The following GRXCR2 variants were observed in gnomAD, a reference collection of about 807,000 sequenced individuals.
GRXCR2 encodes glutaredoxin and cysteine rich domain containing 2.
Under a neutral mutation model 24.8 loss-of-function variants are expected in GRXCR2, and 23 were observed. The ratio of observed to expected loss-of-function variants is 0.93; its 90% CI spans 0.67 to 1.32. GRXCR2 has a LOEUF of 1.32. Among genes scored for constraint, GRXCR2 ranks in the 40% most tolerant of loss-of-function variants. The pLI is 0.00. For missense variants in GRXCR2, 315 were observed against 303.4 expected (o/e 1.04, Z -0.28); for synonymous variants, 130 against 116.1 (o/e 1.12, Z -0.77).
At chr5:145,892,408 C>T (rs1220208906) in intron 2 of GRXCR2, among the ~76,000 whole-genome samples, 1 of 152,084 alleles carries the variant, frequency 6.6e-6, no homozygotes, top group Non-Finnish European at 1.5e-5. Flanking sequence ...GAATGGCTAA[C>T]TAGAATAACC....
intron 2 of GRXCR2, among the ~76,000 whole-genome samples, chr5:145,899,643 C>G (rs956240451): frequency 6.6e-6 from 1 of 151,970 alleles, no homozygotes; most frequent in Admixed American, 6.6e-5. Flanking sequence ...ACAAAGTTGA[C>G]AAAAATAAGC....
intron 2 of GRXCR2, among the ~76,000 whole-genome samples, chr5:145,908,743 A>G (rs1199019076): frequency 2.6e-5 from 4 of 152,228 alleles, no homozygotes; most frequent in Admixed American, 6.6e-5. Context: ...TTCCAGCTCC[A>G]GTTCTTTGGC....
chr5:145,877,083 GA>G (rs1324856824), upstream of GRXCR2, among the ~76,000 whole-genome samples: 1 of 151,010 alleles, frequency 6.6e-6, no homozygotes, highest in African/African-American at 2.4e-5. Flanking sequence ...TAAAATAAAT[GA>G]AAAAAATCCA....
intron 2 of GRXCR2, among the ~76,000 whole-genome samples, chr5:145,861,763 G>A (rs938102470): frequency 2.6e-5 from 4 of 152,118 alleles, no homozygotes; most frequent in South Asian, 2.1e-4. Context: ...GCAGGAGTCC[G>A]CTGGGTAGCT....
intron 2 of GRXCR2, among the ~76,000 whole-genome samples, chr5:145,880,203 C>G (rs1756679052): frequency 6.6e-6 from 1 of 151,960 alleles, no homozygotes; most frequent in South Asian, 2.1e-4. Context: ...CAGAGCAGAA[C>G]TGAGAGAGAT....
intron 2 of GRXCR2, among the ~76,000 whole-genome samples, chr5:145,914,630 G>A (rs1016700933): frequency 2.3e-5 from 3 of 132,840 alleles, no homozygotes; most frequent in African/African-American, 8.7e-5. Flanking sequence ...GAGCCGAGAT[G>A]GTGTCATAGC....
intron 2 of GRXCR2, among the ~76,000 whole-genome samples, chr5:145,860,832 A>T (rs997739724): frequency 4.6e-5 from 7 of 152,152 alleles, no homozygotes; most frequent in African/African-American, 1.7e-4. Flanking sequence ...CTGGAACATT[A>T]AATGAGAGAA....
At chr5:145,893,291 T>TTAAATG (rs1756898271) in intron 2 of GRXCR2, among the ~76,000 whole-genome samples, 1 of 152,148 alleles carries the variant, frequency 6.6e-6, no homozygotes, top group African/African-American at 2.4e-5. Flanking sequence ...AATATTAATC[T>TTAAATG]TAAATGTAAA....
intron 2 of GRXCR2, among the ~76,000 whole-genome samples, chr5:145,860,157 CT>C (rs1044723207): frequency 6.6e-6 from 1 of 152,184 alleles, no homozygotes; most frequent in African/African-American, 2.4e-5. Context: ...CATTCCAAGA[CT>C]TCATGATCTT....
At chr5:145,881,203 T>G (rs565573596) in intron 2 of GRXCR2, among the ~76,000 whole-genome samples, 2 of 152,158 alleles carry the variant, frequency 1.3e-5, no homozygotes, top group Non-Finnish European at 2.9e-5. Context: ...GAGAAAGAAA[T>G]AAAGGGTATT....
At chr5:145,928,388 C>A (rs1330353429) in intron 2 of GRXCR2, among the ~76,000 whole-genome samples, 4 of 152,106 alleles carry the variant, frequency 2.6e-5, no homozygotes, top group Non-Finnish European at 5.9e-5. Context: ...TTTGACCCAG[C>A]AATCCCATTA....
At chr5:145,860,606 C>T (rs1756319785) in intron 2 of GRXCR2, among the ~76,000 whole-genome samples, 1 of 152,144 alleles carries the variant, frequency 6.6e-6, no homozygotes, top group Admixed American at 6.5e-5. Flanking sequence ...TGTTACAATC[C>T]TTCAAAGCTT....
At chr5:145,912,851 A>G (rs976884080) in intron 2 of GRXCR2, among the ~76,000 whole-genome samples, 2 of 152,160 alleles carry the variant, frequency 1.3e-5, no homozygotes, top group African/African-American at 4.8e-5. Context: ...ACTCAGAGAC[A>G]GAAGTAGGGC....
At chr5:145,908,984 C>G in intron 2 of GRXCR2, among the ~76,000 whole-genome samples, 1 of 152,188 alleles carries the variant, frequency 6.6e-6, no homozygotes, top group South Asian at 2.1e-4. Flanking sequence ...GTTCAAATCC[C>G]ATCTCTGCCA....
chr5:145,921,579 C>G (rs894824303), intron 2 of GRXCR2, among the ~76,000 whole-genome samples: 3 of 152,128 alleles, frequency 2.0e-5, no homozygotes, highest in African/African-American at 7.2e-5. Context: ...GAAGCAAAGC[C>G]CTTAGTGGGT....
intron 2 of GRXCR2, among the ~76,000 whole-genome samples, chr5:145,864,440 C>T (rs1057175995): frequency 6.6e-6 from 1 of 152,100 alleles, no homozygotes; most frequent in African/African-American, 2.4e-5. Flanking sequence ...GAGGGGGTGA[C>T]TGATATGGTT....
chr5:145,886,991 A>G (rs1471586232), intron 2 of GRXCR2, among the ~76,000 whole-genome samples: 1 of 152,240 alleles, frequency 6.6e-6, no homozygotes, highest in Admixed American at 6.5e-5. Flanking sequence ...TTATATTGAC[A>G]CAGTAGAATC....
rs369581616 is a variant in GRXCR2, at chr5:145,916,558, C to A, written c.-70+19143G>T. 5.8e-4 allele frequency among the ~76,000 whole-genome samples: 89 copies of A among 152,286 alleles called. 3 individuals carry two copies. In the South Asian group the frequency reaches 0.017, roughly 29 times the overall value. ...GGAAAGTCCTCCTTGTCACAGAGGG[C>A]AATTTGTATTTTGAAGAGTTTCATT... is the stretch of plus-strand genomic sequence containing the variant. On this transcript the variant is annotated intron_variant, in intron 2 of 3. Coordinates refer to the GRXCR2 transcript ENST00000639411.
At chr5:145,891,141 G>C (rs1194758452) in intron 2 of GRXCR2, among the ~76,000 whole-genome samples, 1 of 152,110 alleles carries the variant, frequency 6.6e-6, no homozygotes, top group African/African-American at 2.4e-5. Flanking sequence ...CCTATGAAAA[G>C]ACTTAAGGGG....
Sources: gnomAD v4.1 joint callset for allele counts (sites outside exome capture counted in the v4.1 genomes callset) on GRCh38, gnomAD v4.1.1 for gene constraint, MANE v1.5 for transcripts, NCBI Gene and HGNC (gene_info 2026-07-23, HGNC 2026-07-21) for gene names.